ADAM22: variants seen among roughly 807,000 people sequenced by gnomAD.
The protein encoded by ADAM22 is disintegrin and metalloproteinase domain-containing protein 22.
In ADAM22, 65 loss-of-function variants were observed where a neutral mutation model predicts 144.6. The observed-to-expected ratio is 0.45, with a 90% CI of 0.37 to 0.55. The LOEUF is 0.55. Among genes scored for constraint, ADAM22 ranks in the 20% least tolerant of loss-of-function variants. The pLI, the probability that ADAM22 is intolerant of heterozygous loss-of-function variation, is 0.00. For synonymous variants in ADAM22, 391 were observed against 412.6 expected, an observed-to-expected ratio of 0.95 and a Z score of 0.63; for missense variants, 974 against 1,184.9, an observed-to-expected ratio of 0.82 and a Z score of 2.61.
rs865781917 is a variant in ADAM22 at position 88,163,017 on chromosome 7, G to T, written c.1913G>T (p.Gly638Val). The T allele has an allele frequency of 1.2e-6, 2 of 1,606,844 alleles. No individual in the cohort carries two copies. The highest frequency in any genetic ancestry group is 1.7e-6 in the Non-Finnish European group (2 of 1,177,352). ...QQGRTLNCSG[G>V]HVKLEEDVDL... ...TGCTCTCAATTTGTTTTTAGTGGTGGGCATGTTAAGCTTGAAGAAGATGTA... is the reference window on the plus strand; with the variant it reads ...TGCTCTCAATTTGTTTTTAGTGGTGTGCATGTTAAGCTTGAAGAAGATGTA... The change falls in exon 23 of 32, where the codon GGG becomes GTG. Residue 638 changes from glycine (G) to valine (V), a missense_variant. This residue lies in a region of ADAM22 where 734 missense variants were observed against 950.6 expected (regional missense o/e 0.77). Coordinates refer to ENST00000413139, the MANE Select transcript of ADAM22 (RefSeq NM_001324418.2).
At chr7:88,187,108 T>C (rs1460433509) in intron 30 of ADAM22, among the ~76,000 whole-genome samples, 3 of 152,192 alleles carry the variant, frequency 2.0e-5, no homozygotes, top group Admixed American at 6.5e-5. Context: ...TAAGAGTGCA[T>C]AGTGCATACA....
rs766874592 is a variant in ADAM22, at chr7:88,038,167, TATA to T, written c.324-37458_324-37456del. On this transcript the variant is annotated intron_variant, in intron 3 of 31. Coordinates refer to ENST00000413139, the MANE Select transcript of ADAM22 (RefSeq NM_001324418.2). ...TCTCCATGTCCTGTGGATAGATAAGTATACTCCATCTATTCTATGGGAGAGAAT... is the reference window on the plus strand; with the variant it reads ...TCTCCATGTCCTGTGGATAGATAAGTCTCCATCTATTCTATGGGAGAGAAT... Among the ~76,000 whole-genome samples the T allele has an allele frequency of 4.2e-3, 635 of 152,324 alleles. 4 individuals carry two copies. Among genetic ancestry groups the T allele is most frequent in the Non-Finnish European group, 5.3e-3 (361 of 68,026 alleles).
At chr7:88,049,984 C>T (rs571799902) in intron 3 of ADAM22, among the ~76,000 whole-genome samples, 2 of 151,928 alleles carry the variant, frequency 1.3e-5, no homozygotes, top group East Asian at 3.9e-4. Flanking sequence ...AATCAAAGTA[C>T]AGATACAGAA....
chr7:88,129,452 A>G (rs1033271386), intron 9 of ADAM22, among the ~76,000 whole-genome samples: 2 of 152,054 alleles, frequency 1.3e-5, no homozygotes, highest in Non-Finnish European at 2.9e-5. Flanking sequence ...CATAATTTAG[A>G]TCTTAATTAT....
chr7:87,934,935 G>A lies in ADAM22; in HGVS notation c.86-91G>A, dbSNP rs553293659. 2.8e-5 allele frequency: 44 copies of A among 1,558,432 alleles called. 1 individual carries two copies. The South Asian group carries it at 4.5e-4, about 16-fold the overall frequency. On this transcript the variant is annotated intron_variant, in intron 1 of 31. Coordinates refer to ENST00000413139, the MANE Select transcript of ADAM22 (RefSeq NM_001324418.2). Reference sequence around the variant, plus strand: ...GGGCGGTGGGGATTTTCGTAGGGGAGACGTAGGACTGCAGGATGGAGGAGT... The same window carrying A: ...GGGCGGTGGGGATTTTCGTAGGGGAAACGTAGGACTGCAGGATGGAGGAGT...
At chr7:88,019,193 G>T (rs1797193243) in intron 3 of ADAM22, among the ~76,000 whole-genome samples, 1 of 152,168 alleles carries the variant, frequency 6.6e-6, no homozygotes, top group Admixed American at 6.5e-5. Flanking sequence ...AGCATGCTAG[G>T]CCAGGTGTCA....
chr7:88,157,654 C>A (rs1254128240), intron 22 of ADAM22, among the ~76,000 whole-genome samples: 1 of 152,016 alleles, frequency 6.6e-6, no homozygotes, highest in Non-Finnish European at 1.5e-5. Context: ...AGGCGAAAGT[C>A]AAGATTTACA....
chr7:88,034,632 T>TA (rs1801070423), intron 3 of ADAM22, among the ~76,000 whole-genome samples: 1 of 152,106 alleles, frequency 6.6e-6, no homozygotes, highest in Admixed American at 6.5e-5. Context: ...CCTTATGGCT[T>TA]AGACTGTCTT....
At chr7:88,010,466 C>T (rs141055577) in intron 3 of ADAM22, among the ~76,000 whole-genome samples, 38 of 152,194 alleles carry the variant, frequency 2.5e-4, no homozygotes, top group African/African-American at 8.7e-4. Flanking sequence ...ATCTGTTAAT[C>T]TGTTTCTTTC....
At chr7:88,178,298 TA>T (rs1283152951) in intron 26 of ADAM22, among the ~76,000 whole-genome samples, 10 of 152,158 alleles carry the variant, frequency 6.6e-5, no homozygotes, top group Admixed American at 1.3e-4. Context: ...TTGCTCTTGT[TA>T]AATTATCTTC....
intron 4 of ADAM22, among the ~76,000 whole-genome samples, chr7:88,087,156 C>T (rs1393513186): frequency 6.6e-6 from 1 of 152,086 alleles, no homozygotes; most frequent in Non-Finnish European, 1.5e-5. Context: ...ATATACTATA[C>T]AATGTACACC....
At chr7:88,081,522 A>C (rs1435224385) in intron 4 of ADAM22, among the ~76,000 whole-genome samples, 2 of 152,096 alleles carry the variant, frequency 1.3e-5, no homozygotes, top group South Asian at 2.1e-4. Context: ...AATAAAGGGC[A>C]TTCAATTAGG....
chr7:88,007,018 A>C (rs1386479091), intron 3 of ADAM22, among the ~76,000 whole-genome samples: 1 of 152,198 alleles, frequency 6.6e-6, no homozygotes, highest in African/African-American at 2.4e-5. Context: ...GTCTCAGCCC[A>C]AAATCTCCTT....
At chr7:88,107,368 A>AT (rs34750371) in intron 4 of ADAM22, among the ~76,000 whole-genome samples, 85,820 of 150,808 alleles carry the variant, frequency 0.57, 25,455 homozygotes, top group East Asian at 0.9. Context: ...CATCCAGCTA[A>AT]TTTTGTATTT....
chr7:88,106,567 C>G (rs1824453728), intron 4 of ADAM22, among the ~76,000 whole-genome samples: 1 of 152,184 alleles, frequency 6.6e-6, no homozygotes, highest in South Asian at 2.1e-4. Flanking sequence ...CTTTAAACCA[C>G]CCATCCTATC....
rs1397423122 is a variant in ADAM22, at chr7:88,200,312, A to AT, written c.*3825dup. ...TAAATTCTTATCTAAAGAAAAGATT[A>AT]TTTTACTTTATTTTACTTAAAGGAA... On this transcript the variant is annotated 3_prime_UTR_variant, in exon 32 of 32. Transcript: ENST00000413139. 1 of 152,206 alleles carries AT rather than the reference A, an allele frequency of 6.6e-6. No homozygotes were observed. Among genetic ancestry groups the AT allele is most frequent in the Non-Finnish European group, 1.5e-5 (1 of 68,028 alleles). 9.4% of individuals were successfully genotyped at this position (152,206 alleles called of 1,614,324 possible). A position where few individuals can be genotyped will look rare whatever the true frequency, so the allele number is the denominator to read the frequency against.
chr7:88,142,020 A>G (rs1834829885), intron 14 of ADAM22, among the ~76,000 whole-genome samples: 1 of 152,140 alleles, frequency 6.6e-6, no homozygotes. Context: ...TTGACCTTTT[A>G]TTAGTTTTTT....
intron 20 of ADAM22, 47 bp downstream of exon 20, chr7:88,151,367 C>T (rs752095136): frequency 3.0e-5 from 48 of 1,606,316 alleles, no homozygotes; most frequent in South Asian, 6.6e-5. Flanking sequence ...TGATGTCAGG[C>T]GGACTTCTCA....
At position 88,113,705 on chromosome 7, in the gene ADAM22, T is replaced by TAAATAAATAAATAA. The variant is rs67396318; in HGVS notation, c.474-878_474-877insAATAAATAAATAAA. On this transcript the variant is annotated intron_variant, in intron 5 of 31. Coordinates refer to ENST00000413139, the MANE Select transcript of ADAM22 (RefSeq NM_001324418.2). ...TATATATTATAAATAAATAAATAAA[T>TAAATAAATAAATAA]ATATATATATATATATATATATATA... Among the ~76,000 whole-genome samples, 5 of 67,128 alleles carry TAAATAAATAAATAA rather than the reference T, an allele frequency of 7.4e-5. No individual in the cohort carries two copies. The East Asian group carries it at 1.3e-3, about 18-fold the overall frequency. 44.0% of individuals were successfully genotyped at this position (67,128 alleles called of 152,430 possible).
Sources: gnomAD v4.1 joint callset for allele counts (sites outside exome capture counted in the v4.1 genomes callset) on GRCh38, gnomAD v4.1.1 for gene constraint, gnomAD v4.1.1 regional missense constraint, MANE v1.5 for transcripts, NCBI Gene and HGNC (gene_info 2026-07-23, HGNC 2026-07-21) for gene names.